Variants in PREX2 observed in about 807,000 individuals in gnomAD.
PREX2 encodes the protein phosphatidylinositol-3,4,5-trisphosphate dependent Rac exchange factor 2.
PREX2 carries 107 observed loss-of-function variants against 203.2 expected under a neutral mutation model. The observed-to-expected ratio is 0.53, with a 90% confidence interval of 0.45 to 0.62. The LOEUF (loss-of-function observed/expected upper bound fraction) is 0.62, where lower values mean the gene tolerates loss of function less well. PREX2 is among the 20% of genes least tolerant of loss of function. The pLI, the probability that PREX2 is intolerant of heterozygous loss-of-function variation, is 0.00. For synonymous variants in PREX2, 672 were observed against 663.6 expected, an observed-to-expected ratio of 1.01 and a Z score of -0.19; for missense variants, 1,777 against 1,955.9, an observed-to-expected ratio of 0.91 and a Z score of 1.72.
chr8:68,217,749 T>C, intron 38 of PREX2, 31 bp downstream of exon 38: 1 of 1,493,880 alleles, frequency 6.7e-7, no homozygotes, highest in South Asian at 1.1e-5. Flanking sequence ...GGAATAGTTG[T>C]TTTGTAGGCC....
intron 31 of PREX2, among the ~76,000 whole-genome samples, chr8:68,132,985 T>C (rs1811037910): frequency 6.6e-6 from 1 of 152,182 alleles, no homozygotes. Flanking sequence ...TGGTCTATTT[T>C]CTCACTGCTA....
chr8:68,078,214 A>G (rs1372594833), intron 15 of PREX2, among the ~76,000 whole-genome samples: 1 of 152,080 alleles, frequency 6.6e-6, no homozygotes, highest in Non-Finnish European at 1.5e-5. Flanking sequence ...CACCCAGGCT[A>G]GAGTGCAGTG....
chr8:67,962,282 T>G (rs1041252386), intron 1 of PREX2, among the ~76,000 whole-genome samples: 1 of 152,134 alleles, frequency 6.6e-6, no homozygotes, highest in Non-Finnish European at 1.5e-5. Flanking sequence ...GCTTTCATGC[T>G]TCCTAGGAGT....
In PREX2 at chr8:68,167,180, G is replaced by A. The variant is rs75746536; in HGVS notation, c.4346+9744G>A. 6.4e-4 allele frequency among the ~76,000 whole-genome samples: 98 copies of A among 152,244 alleles called. 2 individuals are homozygous for A. The East Asian group carries it at 0.015, about 24-fold the overall frequency. Reference sequence around the variant, plus strand: ...AAGCCACGATTCACACTGTGTCACTGTCCTGCTCAAAGCGCTTTAGTGATG... The same window carrying A: ...AAGCCACGATTCACACTGTGTCACTATCCTGCTCAAAGCGCTTTAGTGATG... On this transcript the variant is annotated intron_variant, in intron 35 of 39. Transcript: ENST00000288368.
At chr8:68,159,616 T>TA (rs1360008472) in intron 35 of PREX2, among the ~76,000 whole-genome samples, 1 of 152,174 alleles carries the variant, frequency 6.6e-6, no homozygotes, top group Non-Finnish European at 1.5e-5. Flanking sequence ...AGAAACCTTA[T>TA]AAAGGAATTG....
intron 1 of PREX2, among the ~76,000 whole-genome samples, chr8:67,963,554 T>A (rs1430171038): frequency 6.6e-6 from 1 of 152,208 alleles, no homozygotes; most frequent in Non-Finnish European, 1.5e-5. Context: ...GTTTATTTTT[T>A]GTTTTTTCTT....
chr8:68,094,911 A>G (rs1279339548), intron 21 of PREX2: 1 of 152,294 alleles, frequency 6.6e-6, no homozygotes. Context: ...CCAACTGGCT[A>G]TATATTCAGC....
At chr8:68,019,885 C>T (rs1807515534) in intron 3 of PREX2, among the ~76,000 whole-genome samples, 1 of 152,172 alleles carries the variant, frequency 6.6e-6, no homozygotes, top group South Asian at 2.1e-4. Flanking sequence ...ACAGCCTTTT[C>T]TTTTCCCCGA....
intron 1 of PREX2, among the ~76,000 whole-genome samples, chr8:67,982,247 G>T (rs1471262798): frequency 6.6e-6 from 1 of 151,958 alleles, no homozygotes; most frequent in Admixed American, 6.6e-5. Context: ...AACATGGTGA[G>T]ACCCTGTCTC....
intron 38 of PREX2, among the ~76,000 whole-genome samples, chr8:68,219,489 A>C (rs1186683401): frequency 6.6e-6 from 1 of 152,154 alleles, no homozygotes; most frequent in Non-Finnish European, 1.5e-5. Context: ...TTGGTATATA[A>C]ACTGCACTAT....
chr8:67,968,529 A>T (rs535401298), intron 1 of PREX2, among the ~76,000 whole-genome samples: 8 of 152,340 alleles, frequency 5.3e-5, no homozygotes, highest in African/African-American at 1.9e-4. Flanking sequence ...TAAAAAGTAT[A>T]ACCAAAGGGA....
chr8:68,078,514 T>C (rs1480492271), intron 15 of PREX2, among the ~76,000 whole-genome samples: 1 of 152,234 alleles, frequency 6.6e-6, no homozygotes, highest in Non-Finnish European at 1.5e-5. Context: ...TGATAGCACT[T>C]ATACCTGTTT....
In PREX2 at chr8:68,083,297, A is replaced by T. The variant is rs1355367285; in HGVS notation, c.1936A>T (p.Met646Leu). Residue 646 changes from methionine to leucine, a missense_variant, in exon 18 of 40, where the codon ATG becomes TTG. Met to Leu is a conservative substitution (Grantham distance 15, BLOSUM62 2). Transcript: ENST00000288368. ...TGCTATTAATGGTGACCTAGTTTTT[A>T]TGAGACCTTTCAATGAAGTGGATTG... is the stretch of plus-strand genomic sequence containing the variant. ...IFAINGDLVFMRPFNEVDCFL... is the reference protein window; with the variant it reads ...IFAINGDLVFLRPFNEVDCFL... The T allele has an allele frequency of 1.2e-5, 20 of 1,610,568 alleles. No homozygotes were observed. The highest frequency in any genetic ancestry group is 1.7e-5 in the Non-Finnish European group (20 of 1,177,472).
At chr8:68,175,518 C>T (rs1022200149) in intron 35 of PREX2, among the ~76,000 whole-genome samples, 61 of 151,896 alleles carry the variant, frequency 4.0e-4, no homozygotes, top group African/African-American at 1.4e-3. Context: ...TTCAGGCAAG[C>T]GATAATGAGA....
At chr8:68,156,821 C>A (rs1022472794) in intron 34 of PREX2, among the ~76,000 whole-genome samples, 1 of 152,182 alleles carries the variant, frequency 6.6e-6, no homozygotes, top group South Asian at 2.1e-4. Context: ...CATCTTCCTT[C>A]TCTTCCTAGT....
At chr8:68,031,171 G>A (rs1318742213) in intron 6 of PREX2, among the ~76,000 whole-genome samples, 2 of 152,062 alleles carry the variant, frequency 1.3e-5, no homozygotes, top group Non-Finnish European at 2.9e-5. Context: ...AGTCACTAAG[G>A]AAATTTTTTT....
chr8:68,105,489 C>CCT, intron 23 of PREX2: 1 of 1,159,554 alleles, frequency 8.6e-7, no homozygotes, highest in South Asian at 1.8e-5. Flanking sequence ...AGCCAGTCCC[C>CCT]CTAGCAAGAG....
At chr8:68,181,896 G>A (rs1812092448) in intron 35 of PREX2, among the ~76,000 whole-genome samples, 3 of 152,068 alleles carry the variant, frequency 2.0e-5, no homozygotes, top group Admixed American at 2.0e-4. Flanking sequence ...TTATGGTTTA[G>A]TGGGGAAATA....
In PREX2 at chr8:68,182,325, G is replaced by A. The variant is rs188042507; in HGVS notation, c.4347-9397G>A. Among the ~76,000 whole-genome samples, 8 of 152,196 alleles carry A rather than the reference G, an allele frequency of 5.3e-5. No homozygotes were observed. The East Asian group carries it at 1.4e-3, about 26-fold the overall frequency. On this transcript the variant is annotated intron_variant, in intron 35 of 39. Coordinates refer to ENST00000288368, the MANE Select transcript of PREX2 (RefSeq NM_024870.4). The stretch of plus-strand genomic sequence containing the variant: ...GCTATTGTCATCACACTTATTGTGT[G>A]ACTTGCAAGGGAGACCCTGAGAATA...
Sources: allele counts gnomAD v4.1 joint callset (sites outside exome capture counted in the v4.1 genomes callset), GRCh38; gene constraint gnomAD v4.1.1; transcripts MANE v1.5; gene names NCBI Gene and HGNC (gene_info 2026-07-23, HGNC 2026-07-21).